The following SEC14L3 variants were observed in gnomAD, a reference collection of about 807,000 sequenced individuals.
SEC14L3 encodes the protein SEC14-like protein 3.
SEC14L3 carries 56 observed loss-of-function variants against 57.4 expected under a neutral mutation model. That is an observed-to-expected ratio of 0.97 (90% CI 0.79 to 1.22). The LOEUF (loss-of-function observed/expected upper bound fraction) is 1.22, where lower values mean the gene tolerates loss of function less well. SEC14L3 is among the 50% of genes most tolerant of loss of function. SEC14L3 has a pLI of 0.00. For missense variants in SEC14L3, 485 were observed against 511.7 expected (o/e 0.95, Z 0.50); for synonymous variants, 173 against 194.4 (o/e 0.89, Z 0.92).
intron 5 of SEC14L3, 47 bp from the exon 6 acceptor site, chr22:30,467,124 C>T (rs773100510): frequency 1.2e-6 from 2 of 1,611,140 alleles, no homozygotes; most frequent in East Asian, 2.2e-5. Context: ...AGGGTGTAGG[C>T]TTGGGAGATG....
intron 4 of SEC14L3, 80 bp downstream of exon 4, chr22:30,469,938 TG>T (rs745912225): frequency 7.9e-5 from 86 of 1,088,934 alleles, no homozygotes; most frequent in Non-Finnish European, 9.9e-5. Flanking sequence ...CTCTCAGGCT[TG>T]CTGCCCCTCA....
Position 30,470,521 on chromosome 22 carries a change from A to AG in SEC14L3, c.115dup (p.Leu39ProfsTer10). The AG allele has an allele frequency of 6.2e-7, 1 of 1,614,092 alleles. No individual in the cohort carries two copies. Among genetic ancestry groups the AG allele is most frequent in the East Asian group, 2.2e-5 (1 of 44,894 alleles). On this transcript the variant is annotated frameshift_variant, in exon 2 of 12. Coordinates refer to ENST00000215812, the MANE Select transcript of SEC14L3 (RefSeq NM_174975.5). LOFTEE classifies it high-confidence loss of function. ...TCTGCCCTCACCTCGGAGCCAGCGT[A>AG]GAAGGAAATAATCATCAGGGTTGGG...
chr22:30,466,350 GA>G lies in SEC14L3; in HGVS notation c.563del (p.Phe188SerfsTer5), dbSNP rs1415274831. ...LEENYPETLK[F>X]MLIVKATKLF... Reference sequence around the variant, plus strand: ...GTCACATACCTTTCACGATGAGCATGAACTTCAGGGTCTCTGGGTAATTCTC... The same window carrying G: ...GTCACATACCTTTCACGATGAGCATGACTTCAGGGTCTCTGGGTAATTCTC... On this transcript the variant is annotated frameshift_variant, in exon 7 of 12. Coordinates refer to ENST00000215812, the MANE Select transcript of SEC14L3 (RefSeq NM_174975.5). LOFTEE classifies it high-confidence loss of function. 8 of 1,614,080 alleles carry G rather than the reference GA, an allele frequency of 5.0e-6. No homozygotes were observed. The highest frequency in any genetic ancestry group is 6.8e-6 in the Non-Finnish European group (8 of 1,179,942).
Position 30,460,133 on chromosome 22 carries a change from C to G in SEC14L3, c.1091G>C (p.Arg364Pro), listed in dbSNP as rs774541983. Residue 364 changes from arginine to proline, a missense_variant, in exon 12 of 12, where the codon CGC (arginine) becomes CCC (proline). Coordinates refer to ENST00000215812, the MANE Select transcript of SEC14L3 (RefSeq NM_174975.5). ...GACAAAGCTATAGGTGTTGTCGAAG[C>G]GTAGGACATCTGGGGGACAGATGGA... Reference protein sequence around the residue: ...TCSEAGVYVLRFDNTYSFVHA... With the variant: ...TCSEAGVYVLPFDNTYSFVHA... 3 of 1,613,824 alleles carry G rather than the reference C, an allele frequency of 1.9e-6. No homozygotes were observed. Among genetic ancestry groups the G allele is most frequent in the Non-Finnish European group, 2.5e-6 (3 of 1,179,808 alleles).
At chr22:30,448,741 A>G (rs1027548917) in exon 13 of SEC14L3, 4 of 195,896 alleles carry the variant, frequency 2.0e-5, no homozygotes, top group South Asian at 1.6e-4. Flanking sequence ...AAGAAAGAAA[A>G]AAAACCCAGG....
At chr22:30,460,828 CAAA>C (rs747778887) in intron 11 of SEC14L3, among the ~76,000 whole-genome samples, 13,535 of 104,060 alleles carry the variant, frequency 0.13, 668 homozygotes, top group African/African-American at 0.18. Context: ...AACTCTGTCT[CAAA>C]AAAAAAAAAA....
intron 12 of SEC14L3, among the ~76,000 whole-genome samples, chr22:30,453,293 A>G (rs969309718): frequency 2.1e-4 from 32 of 152,144 alleles, no homozygotes; most frequent in Admixed American, 1.9e-3. Flanking sequence ...CCTCTTTTGC[A>G]TTTGTGATGG....
Position 30,459,905 on chromosome 22 carries a change from C to T in SEC14L3, c.*116G>A. The T allele has an allele frequency of 6.8e-7, 1 of 1,472,884 alleles. No homozygotes were observed. 91.2% of individuals were successfully genotyped at this position (1,472,884 alleles called of 1,614,324 possible). A position where few individuals can be genotyped will look rare whatever the true frequency, so the allele number is the denominator to read the frequency against. On this transcript the variant is annotated 3_prime_UTR_variant, in exon 12 of 12. Coordinates refer to ENST00000215812, the MANE Select transcript of SEC14L3 (RefSeq NM_174975.5). ...TTTCCCCAGGGCATCTCTTTCTGTA[C>T]TCACTAACGTCACAGAGTCAGGAGG... is the stretch of plus-strand genomic sequence containing the variant.
intron 5 of SEC14L3, among the ~76,000 whole-genome samples, chr22:30,467,834 T>C (rs1178987669): frequency 6.6e-6 from 1 of 152,244 alleles, no homozygotes; most frequent in Non-Finnish European, 1.5e-5. Flanking sequence ...GTGTGCTAAA[T>C]TGCATACTTG....
chr22:30,455,183 A>G (rs1222064860), downstream of SEC14L3, among the ~76,000 whole-genome samples: 3 of 119,448 alleles, frequency 2.5e-5, no homozygotes, highest in Admixed American at 1.2e-4. Context: ...TATATTTAAT[A>G]TTTAATATAT....
intron 12 of SEC14L3, among the ~76,000 whole-genome samples, chr22:30,453,678 G>A (rs757802382): frequency 6.6e-6 from 1 of 152,228 alleles, no homozygotes; most frequent in African/African-American, 2.4e-5. Context: ...CTCCCGAAGT[G>A]CTGGGATTAC....
downstream of SEC14L3, among the ~76,000 whole-genome samples, chr22:30,458,036 C>T (rs1201888079): frequency 6.6e-6 from 1 of 152,220 alleles, no homozygotes; most frequent in Non-Finnish European, 1.5e-5. Context: ...TAGCCTGAGT[C>T]AGACCTCATA....
chr22:30,467,093 C>T lies in SEC14L3; in HGVS notation c.424-16G>A. ...TCTTCCCTAGCTGCAAGGATGAGAG[C>T]AAGAAGTAGTTCTGGAGTTCAGGGT... On this transcript the variant is annotated splice_polypyrimidine_tract_variant and intron_variant, in intron 5 of 11. Transcript: ENST00000215812. 1 of 1,613,852 alleles carries T rather than the reference C, an allele frequency of 6.2e-7. No individual in the cohort carries two copies. The highest frequency in any genetic ancestry group is 8.5e-7 in the Non-Finnish European group (1 of 1,179,836).
intron 8 of SEC14L3, among the ~76,000 whole-genome samples, chr22:30,462,446 G>T (rs1935297590): frequency 6.6e-6 from 1 of 151,958 alleles, no homozygotes; most frequent in South Asian, 2.1e-4. Flanking sequence ...TCACTCTGTT[G>T]TCCAGTCTGG....
rs1935247671 is a variant in SEC14L3, at chr22:30,461,293, A to T, written c.1081+17T>A. The T allele has an allele frequency of 6.4e-7, 1 of 1,561,594 alleles. No individual in the cohort carries two copies. The highest frequency in any genetic ancestry group is 8.7e-7 in the Non-Finnish European group (1 of 1,153,804). ...CTCTAGCCTTTCAGAGCCAGGTCCC[A>T]GCTGGGGCAGACTTACAGACGCCGG... On this transcript the variant is annotated intron_variant, in intron 11 of 11. Coordinates refer to ENST00000215812, the MANE Select transcript of SEC14L3 (RefSeq NM_174975.5).
intron 12 of SEC14L3, among the ~76,000 whole-genome samples, chr22:30,454,168 C>A (rs973476360): frequency 1.3e-5 from 2 of 152,120 alleles, no homozygotes; most frequent in African/African-American, 2.4e-5. Context: ...CAGCCTCCTG[C>A]AAGATGCTGA....
At chr22:30,455,587 G>A (rs1935106490), downstream of SEC14L3, among the ~76,000 whole-genome samples, 1 of 152,098 alleles carries the variant, frequency 6.6e-6, no homozygotes, top group Non-Finnish European at 1.5e-5. Context: ...GTTGTTAGGG[G>A]AAAAACCTGA....
At chr22:30,452,822 T>C (rs1055539783) in intron 12 of SEC14L3, among the ~76,000 whole-genome samples, 2 of 151,662 alleles carry the variant, frequency 1.3e-5, no homozygotes, top group African/African-American at 4.8e-5. Flanking sequence ...CAAGTGATTC[T>C]CCCACTTCAG....
At chr22:30,455,649 G>C (rs560122484), downstream of SEC14L3, among the ~76,000 whole-genome samples, 17 of 152,294 alleles carry the variant, frequency 1.1e-4, no homozygotes, top group South Asian at 3.5e-3. Context: ...CCAGTGTGGT[G>C]GTGGGTTCTT....
Sources: gnomAD v4.1 joint callset for allele counts (sites outside exome capture counted in the v4.1 genomes callset) on GRCh38, gnomAD v4.1.1 for gene constraint, MANE v1.5 for transcripts, NCBI Gene and HGNC (gene_info 2026-07-23, HGNC 2026-07-21) for gene names.